SPOCK1: variants seen among roughly 807,000 people sequenced by gnomAD.
SPOCK1 encodes SPARC (osteonectin), cwcv and kazal like domains proteoglycan 1, also known as testican-1.
Under a neutral mutation model 55.3 loss-of-function variants are expected in SPOCK1, and 23 were observed. The ratio of observed to expected loss-of-function variants is 0.42; its 90% CI spans 0.30 to 0.59. The LOEUF (loss-of-function observed/expected upper bound fraction) is 0.59, where lower values mean the gene tolerates loss of function less well. Among genes scored for constraint, SPOCK1 ranks in the 20% least tolerant of loss-of-function variants. The pLI, the probability that SPOCK1 is intolerant of heterozygous loss-of-function variation, is 0.22. For synonymous variants in SPOCK1, 226 were observed against 221.0 expected, an observed-to-expected ratio of 1.02 and a Z score of -0.20; for missense variants, 499 against 552.5, an observed-to-expected ratio of 0.90 and a Z score of 0.97.
chr5:137,060,964 T>C (rs1752385175), intron 6 of SPOCK1, among the ~76,000 whole-genome samples: 2 of 152,224 alleles, frequency 1.3e-5, no homozygotes, highest in South Asian at 4.1e-4. Context: ...GTTGCCAATT[T>C]AATTCTCAAG....
intron 2 of SPOCK1, among the ~76,000 whole-genome samples, chr5:137,486,543 G>A (rs1422714065): frequency 6.6e-6 from 1 of 152,222 alleles, no homozygotes; most frequent in Admixed American, 6.5e-5. Flanking sequence ...GCATAGCACG[G>A]TGCCTGGTAC....
At chr5:136,994,438 C>T (rs1269513139) in intron 6 of SPOCK1, among the ~76,000 whole-genome samples, 3 of 151,958 alleles carry the variant, frequency 2.0e-5, no homozygotes, top group Admixed American at 1.3e-4. Context: ...TGTAAAACTT[C>T]GGATAATATG....
In SPOCK1 at chr5:137,352,203, C is replaced by G. The variant is rs571087247; in HGVS notation, c.187-85148G>C. Among the ~76,000 whole-genome samples, 18 of 152,294 alleles carry G rather than the reference C, an allele frequency of 1.2e-4. 1 individual carries two copies. The highest frequency in any genetic ancestry group is 4.3e-4 in the African/African-American group (18 of 41,558). On this transcript the variant is annotated intron_variant, in intron 2 of 10. Coordinates refer to ENST00000394945, the MANE Select transcript of SPOCK1 (RefSeq NM_004598.4). ...ATAAGAGCTGATATACTGCAGGCCG[C>G]CAACCAGCTGCAGTTACTATCATTG...
chr5:137,064,323 T>G (rs1268900862), intron 6 of SPOCK1, among the ~76,000 whole-genome samples: 1 of 152,120 alleles, frequency 6.6e-6, no homozygotes, highest in Admixed American at 6.5e-5. Context: ...AGGTTCAGAA[T>G]AGAGGTAAGG....
intron 2 of SPOCK1, among the ~76,000 whole-genome samples, chr5:137,483,694 T>C (rs920811651): frequency 6.6e-6 from 1 of 152,178 alleles, no homozygotes; most frequent in African/African-American, 2.4e-5. Context: ...GTAGGCTGTT[T>C]AGCAGCACCC....
At chr5:137,421,855 T>G (rs1752505767) in intron 2 of SPOCK1, among the ~76,000 whole-genome samples, 1 of 152,232 alleles carries the variant, frequency 6.6e-6, no homozygotes, top group South Asian at 2.1e-4. Context: ...GTTAGCTGGT[T>G]ATTTTGCTCG....
At chr5:137,234,174 G>C (rs1756128172) in intron 3 of SPOCK1, among the ~76,000 whole-genome samples, 1 of 152,134 alleles carries the variant, frequency 6.6e-6, no homozygotes, top group African/African-American at 2.4e-5. Context: ...CTTATTGTGG[G>C]GCCTGTTCTG....
intron 4 of SPOCK1, 107 bp from the exon 5 acceptor site, chr5:137,112,668 C>G: frequency 2.1e-6 from 3 of 1,406,418 alleles, no homozygotes; most frequent in Non-Finnish European, 2.9e-6. Flanking sequence ...ACTATCCAAC[C>G]AGGCCAAGGG....
At chr5:137,438,963 G>C (rs150776705) in intron 2 of SPOCK1, among the ~76,000 whole-genome samples, 75 of 152,308 alleles carry the variant, frequency 4.9e-4, no homozygotes, top group African/African-American at 1.6e-3. Flanking sequence ...ACTTAAGAGG[G>C]TGCAATGCAT....
chr5:137,276,963 CA>C (rs1757079352), intron 2 of SPOCK1, among the ~76,000 whole-genome samples: 1 of 152,062 alleles, frequency 6.6e-6, no homozygotes, highest in South Asian at 2.1e-4. Context: ...AAGCCCAAAT[CA>C]AAACATCAAA....
At chr5:137,092,540 TACTGTGTGCCC>T (rs1316423207) in intron 5 of SPOCK1, among the ~76,000 whole-genome samples, 1 of 152,206 alleles carries the variant, frequency 6.6e-6, no homozygotes, top group African/African-American at 2.4e-5. Flanking sequence ...GACGTTCTCT[TACTGTGTGCCC>T]ACCTGATACA....
intron 2 of SPOCK1, among the ~76,000 whole-genome samples, chr5:137,327,298 T>C (rs1227671746): frequency 6.6e-6 from 1 of 152,250 alleles, no homozygotes; most frequent in African/African-American, 2.4e-5. Flanking sequence ...TATATCCCAA[T>C]AATGAAAACT....
intron 6 of SPOCK1, among the ~76,000 whole-genome samples, chr5:137,016,042 A>C (rs1286793886): frequency 6.6e-6 from 1 of 152,210 alleles, no homozygotes; most frequent in African/African-American, 2.4e-5. Flanking sequence ...AGAGTTAGGC[A>C]GGTCAACTTC....
chr5:137,284,466 T>C (rs1757226928), intron 2 of SPOCK1, among the ~76,000 whole-genome samples: 1 of 152,118 alleles, frequency 6.6e-6, no homozygotes, highest in Non-Finnish European at 1.5e-5. Flanking sequence ...TGCTAAAACA[T>C]GAGTGAACAC....
chr5:137,222,238 T>C (rs1004216922), intron 3 of SPOCK1, among the ~76,000 whole-genome samples: 1 of 152,182 alleles, frequency 6.6e-6, no homozygotes, highest in Non-Finnish European at 1.5e-5. Flanking sequence ...TAAGTGCTTC[T>C]ATTTGATTCC....
chr5:137,493,166 G>A (rs1019601832), intron 2 of SPOCK1, among the ~76,000 whole-genome samples: 8 of 152,202 alleles, frequency 5.3e-5, no homozygotes, highest in African/African-American at 1.9e-4. Context: ...CACAGGAAAG[G>A]TAAAATGAGT....
At chr5:137,054,836 G>A (rs1023772592) in intron 6 of SPOCK1, among the ~76,000 whole-genome samples, 6 of 152,094 alleles carry the variant, frequency 3.9e-5, no homozygotes, top group East Asian at 3.9e-4. Context: ...CCATACATTC[G>A]ACAGATCCTA....
At chr5:137,299,896 CCTT>C in intron 2 of SPOCK1, among the ~76,000 whole-genome samples, 1 of 152,150 alleles carries the variant, frequency 6.6e-6, no homozygotes, top group Middle Eastern at 3.4e-3. Context: ...TTGTATATAT[CCTT>C]CTTTGAGTTT....
intron 9 of SPOCK1, among the ~76,000 whole-genome samples, chr5:136,983,873 A>G (rs1307706830): frequency 6.6e-6 from 1 of 152,244 alleles, no homozygotes; most frequent in Non-Finnish European, 1.5e-5. Context: ...ACAGAAAGGT[A>G]GGCATTTCAT....
Sources: gnomAD v4.1 joint callset for allele counts (sites outside exome capture counted in the v4.1 genomes callset) on GRCh38, gnomAD v4.1.1 for gene constraint, MANE v1.5 for transcripts, NCBI Gene and HGNC (gene_info 2026-07-23, HGNC 2026-07-21) for gene names.